EPM2A: variants seen among roughly 807,000 people sequenced by gnomAD.
EPM2A encodes the protein EPM2A glucan phosphatase, laforin, also known as laforin.
Under a neutral mutation model 26.5 loss-of-function variants are expected in EPM2A, and 21 were observed. The ratio of observed to expected loss-of-function variants is 0.79; its 90% CI spans 0.56 to 1.14. The LOEUF is 1.14. Among genes scored for constraint, EPM2A ranks in the 50% most tolerant of loss-of-function variants. The probability of loss-of-function intolerance (pLI) is 0.00; values close to 1 mark genes in which losing one functional copy is unlikely to be tolerated. For synonymous variants in EPM2A, 217 were observed against 177.6 expected (o/e 1.22, Z -1.76); for missense variants, 458 against 440.8 (o/e 1.04, Z -0.35).
chr6:145,454,329 C>T (rs934353099), intron 4 of EPM2A, among the ~76,000 whole-genome samples: 6 of 152,072 alleles, frequency 3.9e-5, no homozygotes, highest in African/African-American at 7.2e-5. Flanking sequence ...TTAAAAGCCC[C>T]GCAATATTCT....
intron 2 of EPM2A, among the ~76,000 whole-genome samples, chr6:145,548,473 G>A (rs978279969): frequency 1.3e-5 from 2 of 152,130 alleles, no homozygotes; most frequent in African/African-American, 4.8e-5. Context: ...ACTCGGGCAT[G>A]ACAAGGTCCT....
At chr6:145,521,840 C>A (rs1780206085) in intron 2 of EPM2A, among the ~76,000 whole-genome samples, 1 of 152,208 alleles carries the variant, frequency 6.6e-6, no homozygotes, top group Non-Finnish European at 1.5e-5. Context: ...ATGTCTACAG[C>A]ATGACTGTGT....
At chr6:145,709,575 AG>A (rs991347698) in intron 1 of EPM2A, among the ~76,000 whole-genome samples, 5 of 152,212 alleles carry the variant, frequency 3.3e-5, no homozygotes, top group Non-Finnish European at 5.9e-5. Flanking sequence ...AGTCAATAAA[AG>A]CTCTTTTCTT....
intron 4 of EPM2A, among the ~76,000 whole-genome samples, chr6:145,421,140 CTG>C (rs1463017755): frequency 6.6e-6 from 1 of 152,124 alleles, no homozygotes; most frequent in African/African-American, 2.4e-5. Flanking sequence ...GTAACACTAA[CTG>C]TTTTTGCAAG....
intron 4 of EPM2A, among the ~76,000 whole-genome samples, chr6:145,472,437 G>T (rs116855788): frequency 0.023 from 3,389 of 149,282 alleles, 45 homozygotes; most frequent in Admixed American, 0.031. Flanking sequence ...ATAGCCACGG[G>T]GGGTAGAGTA....
intron 4 of EPM2A, among the ~76,000 whole-genome samples, chr6:145,394,711 A>C (rs1778382025): frequency 6.6e-6 from 1 of 152,044 alleles, no homozygotes; most frequent in Non-Finnish European, 1.5e-5. Flanking sequence ...ATACCTTCTA[A>C]CACTCAGTGT....
chr6:145,458,859 G>T (rs1188443588), intron 4 of EPM2A, among the ~76,000 whole-genome samples: 1 of 149,768 alleles, frequency 6.7e-6, no homozygotes, highest in Non-Finnish European at 1.5e-5. Context: ...GCAAAAATGT[G>T]CCAAATATAC....
chr6:145,466,032 A>T (rs1041881168), intron 4 of EPM2A, among the ~76,000 whole-genome samples: 2 of 152,068 alleles, frequency 1.3e-5, no homozygotes, highest in African/African-American at 4.8e-5. Context: ...AACCATAAAA[A>T]CCCTAGAAGA....
chr6:145,693,079 C>G lies in EPM2A; in HGVS notation c.302-6783G>C, dbSNP rs866657591. 4.0e-5 allele frequency among the ~76,000 whole-genome samples: 6 copies of G among 151,846 alleles called. No individual in the cohort carries two copies. In the South Asian group the frequency reaches 1.2e-3, roughly 32 times the overall value. On this transcript the variant is annotated intron_variant, in intron 1 of 3. Coordinates refer to ENST00000367519, the MANE Select transcript of EPM2A (RefSeq NM_005670.4). ...ATTTTTCTATGTGTTTGTGTCATCC[C>G]TGACTCCTTTGATCAGTATTTTACA...
Position 145,627,557 on chromosome 6 carries a change from C to T in EPM2A, c.855G>A (p.Met285Ile). The T allele has an allele frequency of 6.2e-7, 1 of 1,614,266 alleles. No individual in the cohort carries two copies. The highest frequency in any genetic ancestry group is 8.5e-7 in the Non-Finnish European group (1 of 1,180,042). Reference protein sequence around the residue: ...AAVCGWLQYVMGWNLRKVQYF... With the variant: ...AAVCGWLQYVIGWNLRKVQYF... ...ACTGCACCTTCCTCAGATTCCAGCCCATCACATACTGGAGCCAGCCGCAGA... is the reference window on the plus strand; with the variant it reads ...ACTGCACCTTCCTCAGATTCCAGCCTATCACATACTGGAGCCAGCCGCAGA... The change falls in exon 4 of 4, where the codon ATG becomes ATA. Residue 285 changes from methionine to isoleucine, a missense_variant. Transcript: ENST00000367519.
chr6:145,475,197 T>C (rs1173434079), intron 4 of EPM2A, among the ~76,000 whole-genome samples: 1 of 151,660 alleles, frequency 6.6e-6, no homozygotes, highest in African/African-American at 2.4e-5. Flanking sequence ...CTGTTCAAAA[T>C]AGAGACTTGG....
chr6:145,444,546 T>A (rs953804347), intron 4 of EPM2A, among the ~76,000 whole-genome samples: 2 of 152,212 alleles, frequency 1.3e-5, no homozygotes, highest in African/African-American at 4.8e-5. Context: ...AGTTTTCTTG[T>A]TTTTGTTGTG....
intron 2 of EPM2A, among the ~76,000 whole-genome samples, chr6:145,665,482 A>C (rs1361171416): frequency 8.5e-6 from 1 of 117,684 alleles, no homozygotes; most frequent in African/African-American, 3.5e-5. Flanking sequence ...CGAATCTCTG[A>C]ATAGACCAAT....
Position 145,626,198 on chromosome 6 carries a change from G to A in EPM2A, c.*1218C>T, listed in dbSNP as rs2128555129. On this transcript the variant is annotated 3_prime_UTR_variant, in exon 4 of 4. Transcript: ENST00000367519. ...CCTGCATTACAGTTGGTTGAATGCA[G>A]GTCTGTTTCTAGGCAGCACATTTTT... 1.0e-6 allele frequency: 1 copy of A among 995,766 alleles called. No individual in the cohort carries two copies. Among genetic ancestry groups the A allele is most frequent in the East Asian group, 1.1e-4 (1 of 9,404 alleles). The allele number at this position is 995,766 out of a possible 1,614,324, so 61.7% of individuals were successfully genotyped here. A position where few individuals can be genotyped will look rare whatever the true frequency, so the allele number is the denominator to read the frequency against.
chr6:145,694,460 T>G (rs1237346744), intron 1 of EPM2A, among the ~76,000 whole-genome samples: 1 of 152,006 alleles, frequency 6.6e-6, no homozygotes, highest in Non-Finnish European at 1.5e-5. Context: ...AGTTGAGCAC[T>G]TTGATGAATG....
chr6:145,454,989 G>A (rs970585636), intron 4 of EPM2A, among the ~76,000 whole-genome samples: 1 of 146,354 alleles, frequency 6.8e-6, no homozygotes, highest in Non-Finnish European at 1.6e-5. Flanking sequence ...ATGTGTATGT[G>A]CATACATATA....
chr6:145,533,618 T>C (rs532378748), intron 2 of EPM2A, among the ~76,000 whole-genome samples: 1 of 152,208 alleles, frequency 6.6e-6, no homozygotes, highest in East Asian at 1.9e-4. Flanking sequence ...TTGGGGAAAA[T>C]TTGAATTTGT....
chr6:145,599,614 G>T (rs1781390261), intron 2 of EPM2A, among the ~76,000 whole-genome samples: 2 of 151,646 alleles, frequency 1.3e-5, no homozygotes, highest in Non-Finnish European at 2.9e-5. Flanking sequence ...TTCTGCTTCT[G>T]TATGTTTTGG....
chr6:145,525,106 G>A (rs981341148), intron 2 of EPM2A, among the ~76,000 whole-genome samples: 3 of 151,806 alleles, frequency 2.0e-5, no homozygotes, highest in Non-Finnish European at 2.9e-5. Flanking sequence ...TCTGGGTTCT[G>A]TATTCTGTTG....
Sources: allele counts gnomAD v4.1 joint callset (sites outside exome capture counted in the v4.1 genomes callset), GRCh38; gene constraint gnomAD v4.1.1; transcripts MANE v1.5; gene names NCBI Gene and HGNC (gene_info 2026-07-23, HGNC 2026-07-21).